The following LDLRAD4 variants were observed in gnomAD, a reference collection of about 807,000 sequenced individuals.
LDLRAD4 encodes low density lipoprotein receptor class A domain containing 4, also known as low-density lipoprotein receptor class A domain-containing protein 4.
LDLRAD4 carries 5 observed loss-of-function variants against 17.0 expected under a neutral mutation model. The observed-to-expected ratio is 0.29, with a 90% CI of 0.15 to 0.62. LDLRAD4 has a LOEUF of 0.62. Ranked by LOEUF, LDLRAD4 falls within the 20% of genes least tolerant of loss-of-function variation. The pLI is 0.84. For synonymous variants in LDLRAD4, 168 were observed against 171.8 expected (o/e 0.98, Z 0.17); for missense variants, 340 against 424.7 (o/e 0.80, Z 1.75).
intron 3 of LDLRAD4, among the ~76,000 whole-genome samples, chr18:13,475,637 TC>T (rs1282411025): frequency 6.6e-6 from 1 of 152,104 alleles, no homozygotes; most frequent in Non-Finnish European, 1.5e-5. Flanking sequence ...GCACACGGAC[TC>T]CCATTACCCT....
chr18:13,271,094 T>G (rs1020768810), intron 1 of LDLRAD4, among the ~76,000 whole-genome samples: 2 of 152,228 alleles, frequency 1.3e-5, no homozygotes, highest in Non-Finnish European at 2.9e-5. Flanking sequence ...TCAGTTTACC[T>G]AAACAACAAC....
intron 3 of LDLRAD4, among the ~76,000 whole-genome samples, chr18:13,441,938 T>G (rs1055476679): frequency 6.6e-6 from 1 of 152,142 alleles, no homozygotes; most frequent in African/African-American, 2.4e-5. Context: ...TGGGCTGACA[T>G]CCATTATCTC....
rs1271518370 is a variant in LDLRAD4, at chr18:13,486,169, A to G, written c.181+47785A>G. ...CCCGTTCTCTGCTCTTCAAACATTA[A>G]TCATGTTGGGCTGCGGAACCCACAT... On this transcript the variant is annotated intron_variant, in intron 3 of 5. Transcript: ENST00000359446. Among the ~76,000 whole-genome samples, 6 of 152,254 alleles carry G rather than the reference A, an allele frequency of 3.9e-5. No homozygotes were observed. In the South Asian group the frequency reaches 1.0e-3, roughly 26 times the overall value.
At chr18:13,225,123 A>C (rs2041711704) in intron 1 of LDLRAD4, among the ~76,000 whole-genome samples, 1 of 152,232 alleles carries the variant, frequency 6.6e-6, no homozygotes. Flanking sequence ...GGTGTGAGCC[A>C]CTGCGCCAGG....
intron 3 of LDLRAD4, among the ~76,000 whole-genome samples, chr18:13,474,112 T>C (rs1415612953): frequency 6.6e-6 from 1 of 152,160 alleles, no homozygotes; most frequent in African/African-American, 2.4e-5. Flanking sequence ...AAGATGTGCT[T>C]GCTCCCCCTT....
At chr18:13,421,770 G>A (rs1446089984) in intron 2 of LDLRAD4, among the ~76,000 whole-genome samples, 2 of 152,344 alleles carry the variant, frequency 1.3e-5, no homozygotes, top group South Asian at 4.1e-4. Flanking sequence ...ACTTAGAGGA[G>A]GCAGAAATAC....
chr18:13,294,130 C>A (rs991722783), intron 1 of LDLRAD4, among the ~76,000 whole-genome samples: 1 of 152,266 alleles, frequency 6.6e-6, no homozygotes, highest in Non-Finnish European at 1.5e-5. Flanking sequence ...ATAACTCCCA[C>A]ATGCTTAGCG....
At chr18:13,420,625 G>A (rs557168213) in intron 2 of LDLRAD4, 1 of 152,302 alleles carries the variant, frequency 6.6e-6, no homozygotes, top group East Asian at 1.9e-4. Context: ...GGTTTAAACT[G>A]GAGACCCTCA....
intron 3 of LDLRAD4, among the ~76,000 whole-genome samples, chr18:13,448,652 A>G (rs1240505115): frequency 1.3e-5 from 2 of 151,000 alleles, no homozygotes; most frequent in Non-Finnish European, 3.0e-5. Flanking sequence ...TGGGGGGCGG[A>G]GGCTGGGGGA....
intron 3 of LDLRAD4, among the ~76,000 whole-genome samples, chr18:13,503,837 A>G (rs980948160): frequency 6.6e-6 from 1 of 152,158 alleles, no homozygotes; most frequent in African/African-American, 2.4e-5. Flanking sequence ...AGAAATAATT[A>G]TGAGACTAGT....
At chr18:13,381,404 C>T (rs1217516621) in intron 1 of LDLRAD4, among the ~76,000 whole-genome samples, 2 of 152,142 alleles carry the variant, frequency 1.3e-5, no homozygotes, top group East Asian at 1.9e-4. Context: ...CCCTCTCTCT[C>T]GGCCAGAGAC....
At chr18:13,571,418 C>T (rs114194171) in intron 3 of LDLRAD4, among the ~76,000 whole-genome samples, 30 of 152,188 alleles carry the variant, frequency 2.0e-4, no homozygotes, top group African/African-American at 7.2e-4. Context: ...CGTCCACAGC[C>T]CCTGGATATT....
chr18:13,452,588 C>A (rs74839628), intron 3 of LDLRAD4, among the ~76,000 whole-genome samples: 2,507 of 152,238 alleles, frequency 0.016, 87 homozygotes, highest in African/African-American at 0.057. Flanking sequence ...CTGGGCAGAG[C>A]TGCTGCTATG....
At chr18:13,253,314 C>T (rs539855309) in intron 1 of LDLRAD4, among the ~76,000 whole-genome samples, 2 of 152,106 alleles carry the variant, frequency 1.3e-5, no homozygotes, top group African/African-American at 2.4e-5. Flanking sequence ...GGAAGCTGGG[C>T]GCCACTGCTC....
intron 3 of LDLRAD4, among the ~76,000 whole-genome samples, chr18:13,507,316 C>A (rs35045187): frequency 0.028 from 4,299 of 152,240 alleles, 88 homozygotes; most frequent in East Asian, 0.049. Flanking sequence ...ATCTCTTACC[C>A]TCCTCCCAAC....
intron 3 of LDLRAD4, among the ~76,000 whole-genome samples, chr18:13,438,675 A>C (rs2090829142): frequency 6.6e-6 from 1 of 152,282 alleles, no homozygotes. Context: ...AGTATTCTTC[A>C]TACCAACATT....
At chr18:13,383,932 ATTTTACC>A (rs1042562654) in intron 1 of LDLRAD4, among the ~76,000 whole-genome samples, 11 of 152,156 alleles carry the variant, frequency 7.2e-5, no homozygotes, top group Admixed American at 2.6e-4. Context: ...TTATAATTGC[ATTTTACC>A]TTGAAAATTG....
intron 3 of LDLRAD4, among the ~76,000 whole-genome samples, chr18:13,485,632 G>A (rs976336002): frequency 2.0e-5 from 3 of 152,216 alleles, no homozygotes; most frequent in African/African-American, 7.2e-5. Context: ...CACTTGCTGT[G>A]TTCTCTCTGC....
chr18:13,574,240 T>C (rs1308419364), intron 3 of LDLRAD4, among the ~76,000 whole-genome samples: 1 of 152,162 alleles, frequency 6.6e-6, no homozygotes, highest in East Asian at 1.9e-4. Context: ...TTTGCTTTTG[T>C]GTGTGGGTAT....
Sources: gnomAD v4.1 joint callset for allele counts (sites outside exome capture counted in the v4.1 genomes callset) on GRCh38, gnomAD v4.1.1 for gene constraint, MANE v1.5 for transcripts, NCBI Gene and HGNC (gene_info 2026-07-23, HGNC 2026-07-21) for gene names.